Variants in LINGO2 observed in about 807,000 individuals in gnomAD.
LINGO2 encodes leucine-rich repeat and immunoglobulin-like domain-containing nogo receptor-interacting protein 2.
LINGO2 carries 14 observed loss-of-function variants against 30.6 expected under a neutral mutation model. The ratio of observed to expected loss-of-function variants is 0.46; its 90% confidence interval spans 0.30 to 0.72. The LOEUF (loss-of-function observed/expected upper bound fraction) is 0.72. Among genes scored for constraint, LINGO2 ranks in the 30% least tolerant of loss-of-function variants. The pLI, the probability that LINGO2 is intolerant of heterozygous loss-of-function variation, is 0.07. For synonymous variants in LINGO2, 317 were observed against 288.5 expected, an observed-to-expected ratio of 1.10 and a Z score of -1.00; for missense variants, 729 against 751.7, an observed-to-expected ratio of 0.97 and a Z score of 0.35.
chr9:28,421,670 G>A (rs1181768666), intron 2 of LINGO2, among the ~76,000 whole-genome samples: 1 of 151,956 alleles, frequency 6.6e-6, no homozygotes, highest in Non-Finnish European at 1.5e-5. Context: ...TAGATACAAG[G>A]ATTTTACATT....
intron 2 of LINGO2, among the ~76,000 whole-genome samples, chr9:28,445,123 T>C (rs1050117032): frequency 6.6e-6 from 1 of 152,212 alleles, no homozygotes; most frequent in African/African-American, 2.4e-5. Context: ...TCTTCACTAC[T>C]CCACATGACA....
At chr9:28,763,126 C>A in the LINGO2 span, among the ~76,000 whole-genome samples, 2 of 151,966 alleles carry the variant, frequency 1.3e-5, no homozygotes, top group East Asian at 3.8e-4. Flanking sequence ...CCAATCACAA[C>A]CTTATCCTTC....
chr9:28,952,211 T>C, the LINGO2 span, among the ~76,000 whole-genome samples: 1 of 152,216 alleles, frequency 6.6e-6, no homozygotes, highest in African/African-American at 2.4e-5. Flanking sequence ...CAAAGCCTCA[T>C]CTAACCTTAC....
chr9:28,160,404 AAATT>A (rs1427876605), intron 4 of LINGO2, among the ~76,000 whole-genome samples: 1 of 152,230 alleles, frequency 6.6e-6, no homozygotes, highest in Non-Finnish European at 1.5e-5. Context: ...CTTCGCTGTC[AAATT>A]ATTTATTGCC....
chr9:28,290,149 G>C (rs566785750), intron 4 of LINGO2, among the ~76,000 whole-genome samples: 28 of 152,206 alleles, frequency 1.8e-4, no homozygotes, highest in Admixed American at 1.8e-3. Flanking sequence ...AATTTTGTTA[G>C]GGTCACAAGG....
At chr9:28,308,996 A>G (rs1244537313) in intron 3 of LINGO2, among the ~76,000 whole-genome samples, 1 of 152,122 alleles carries the variant, frequency 6.6e-6, no homozygotes, top group Non-Finnish European at 1.5e-5. Flanking sequence ...ACTGTAAACT[A>G]GTTCAACCAT....
chr9:28,982,244 T>C, the LINGO2 span, among the ~76,000 whole-genome samples: 2 of 152,124 alleles, frequency 1.3e-5, no homozygotes, highest in Non-Finnish European at 2.9e-5. Context: ...TTGTAAACTT[T>C]AGCAACTAAG....
At chr9:28,861,840 C>A in the LINGO2 span, among the ~76,000 whole-genome samples, 1 of 151,696 alleles carries the variant, frequency 6.6e-6, no homozygotes, top group East Asian at 1.9e-4. Context: ...ATAAAAAAAG[C>A]GGTAGTGAAA....
intron 1 of LINGO2, among the ~76,000 whole-genome samples, chr9:28,560,531 C>T (rs1386955215): frequency 6.6e-6 from 1 of 152,108 alleles, no homozygotes. Flanking sequence ...TATACGTATA[C>T]ACATCCTATT....
At chr9:28,987,879 C>T in the LINGO2 span, among the ~76,000 whole-genome samples, 1 of 152,044 alleles carries the variant, frequency 6.6e-6, no homozygotes, top group Non-Finnish European at 1.5e-5. Context: ...AGTTTCATGG[C>T]ATTGTGGTCA....
intron 1 of LINGO2, among the ~76,000 whole-genome samples, chr9:28,630,264 A>T (rs997862403): frequency 9.2e-5 from 14 of 152,112 alleles, no homozygotes; most frequent in Non-Finnish European, 1.5e-4. Flanking sequence ...TCAGTATTCA[A>T]ATGAATGCAT....
intron 4 of LINGO2, among the ~76,000 whole-genome samples, chr9:28,144,286 G>A (rs1015366495): frequency 6.6e-6 from 1 of 152,088 alleles, no homozygotes; most frequent in African/African-American, 2.4e-5. Flanking sequence ...CTCAAATGTA[G>A]GTTTGTCAGG....
chr9:28,582,559 C>T (rs1459191802), intron 1 of LINGO2, among the ~76,000 whole-genome samples: 1 of 152,080 alleles, frequency 6.6e-6, no homozygotes, highest in South Asian at 2.1e-4. Context: ...CTCCGGTGAC[C>T]AGGCTTCTGA....
the LINGO2 span, among the ~76,000 whole-genome samples, chr9:28,905,764 G>T: frequency 6.6e-6 from 1 of 151,950 alleles, no homozygotes; most frequent in Non-Finnish European, 1.5e-5. Flanking sequence ...TTTTCAAACA[G>T]TCAAAAAGAG....
chr9:29,057,405 T>C, the LINGO2 span, among the ~76,000 whole-genome samples: 2 of 152,208 alleles, frequency 1.3e-5, no homozygotes, highest in African/African-American at 4.8e-5. Context: ...GGCAATCATT[T>C]ATAAAAGAAT....
chr9:28,253,687 A>T (rs890531172), intron 4 of LINGO2, among the ~76,000 whole-genome samples: 5 of 152,158 alleles, frequency 3.3e-5, no homozygotes, highest in Non-Finnish European at 5.9e-5. Flanking sequence ...CACCTGGGGC[A>T]AATGCCATTA....
chr9:28,492,306 T>A (rs186054997), intron 1 of LINGO2, among the ~76,000 whole-genome samples: 1 of 152,192 alleles, frequency 6.6e-6, no homozygotes, highest in Admixed American at 6.6e-5. Flanking sequence ...GGAAAAATTC[T>A]ATGACAAACA....
At chr9:28,783,333 CTAGAT>C in the LINGO2 span, among the ~76,000 whole-genome samples, 2 of 152,106 alleles carry the variant, frequency 1.3e-5, no homozygotes, top group Non-Finnish European at 2.9e-5. Flanking sequence ...CATATAATCT[CTAGAT>C]TACTTATAAT....
chr9:29,211,857 C>CA, the LINGO2 span, among the ~76,000 whole-genome samples: 3 of 152,078 alleles, frequency 2.0e-5, no homozygotes, highest in Non-Finnish European at 1.5e-5. Flanking sequence ...GCGTTCTCCG[C>CA]AAAAAACTTC....
Sources: gnomAD v4.1 joint callset for allele counts (sites outside exome capture counted in the v4.1 genomes callset) on GRCh38, gnomAD v4.1.1 for gene constraint, MANE v1.5 for transcripts, NCBI Gene and HGNC (gene_info 2026-07-23, HGNC 2026-07-21) for gene names.